The following COL11A1 variants were observed in gnomAD, a reference collection of about 807,000 sequenced individuals.
COL11A1 encodes collagen alpha-1(XI) chain.
A neutral mutation model predicts 265.2 loss-of-function variants in COL11A1; 74 were observed. That is an observed-to-expected ratio of 0.28 (90% CI 0.23 to 0.34). The LOEUF is 0.34. Among genes scored for constraint, COL11A1 ranks in the 10% least tolerant of loss-of-function variants. The pLI, the probability that COL11A1 is intolerant of heterozygous loss-of-function variation, is 1.00. For synonymous variants in COL11A1, 816 were observed against 727.6 expected, an observed-to-expected ratio of 1.12 and a Z score of -1.96; for missense variants, 2,165 against 2,263.6, an observed-to-expected ratio of 0.96 and a Z score of 0.88.
intron 4 of COL11A1, among the ~76,000 whole-genome samples, chr1:103,070,013 T>A (rs72685217): frequency 0.092 from 13,951 of 151,468 alleles, 765 homozygotes; most frequent in Non-Finnish European, 0.11. Context: ...TCTTTTTTTT[T>A]AATGTTAATC....
At chr1:103,077,529 A>G (rs912753048) in intron 3 of COL11A1, among the ~76,000 whole-genome samples, 1 of 152,070 alleles carries the variant, frequency 6.6e-6, no homozygotes, top group Non-Finnish European at 1.5e-5. Flanking sequence ...GTAAAAGCCT[A>G]AAGTTGTAAA....
chr1:103,054,500 A>C (rs755640478), intron 4 of COL11A1, among the ~76,000 whole-genome samples: 14 of 152,268 alleles, frequency 9.2e-5, no homozygotes, highest in Admixed American at 6.5e-4. Flanking sequence ...ACAAAGCCAA[A>C]TGTGGCTCCT....
In COL11A1 at chr1:103,078,778, C is replaced by T. The variant is rs1391480996; in HGVS notation, c.368G>A (p.Gly123Asp). ...SFLLSIYNEH[G>D]IQQIGVEVGR... is the part of the protein sequence containing the mutation. Reference sequence around the variant, plus strand: ...AACCTCAACACCAATTTGCTGAATACCATGCTCATTATATATAGATAAAAG... The same window carrying T: ...AACCTCAACACCAATTTGCTGAATATCATGCTCATTATATATAGATAAAAG... The change falls in exon 3 of 67, where the codon GGT becomes GAT. Residue 123 changes from glycine to aspartate, a missense_variant. Coordinates refer to ENST00000370096, the MANE Select transcript of COL11A1 (RefSeq NM_001854.4). The T allele has an allele frequency of 6.2e-7, 1 of 1,612,844 alleles. No individual in the cohort carries two copies.
At chr1:102,946,750 G>A (rs1300343252) in intron 42 of COL11A1, 99 bp downstream of exon 42, 2 of 925,762 alleles carry the variant, frequency 2.2e-6, no homozygotes, top group African/African-American at 1.6e-5. Flanking sequence ...CATATGCAGA[G>A]AGAATACGGT....
intron 52 of COL11A1, 139 bp from the exon 53 acceptor site, chr1:102,913,829 C>T (rs1194576181): frequency 2.4e-6 from 2 of 829,570 alleles, no homozygotes; most frequent in African/African-American, 3.4e-5. Context: ...ATTCTTTTAA[C>T]CTTTTTTAAA....
At chr1:102,879,345 C>T (rs1649941173) in intron 66 of COL11A1, among the ~76,000 whole-genome samples, 2 of 151,962 alleles carry the variant, frequency 1.3e-5, no homozygotes, top group Non-Finnish European at 2.9e-5. Context: ...TTAAAATCAG[C>T]AATAAGGAGG....
chr1:102,971,832 A>C (rs1198414645), intron 36 of COL11A1, among the ~76,000 whole-genome samples: 2 of 152,152 alleles, frequency 1.3e-5, no homozygotes, highest in Non-Finnish European at 1.5e-5. Flanking sequence ...TGACTTCTTC[A>C]GGTTTTCCAG....
intron 42 of COL11A1, among the ~76,000 whole-genome samples, chr1:102,942,988 GA>G (rs1658887534): frequency 6.6e-6 from 1 of 152,044 alleles, no homozygotes; most frequent in Non-Finnish European, 1.5e-5. Context: ...CCAAAATCAT[GA>G]ACTAAATAAA....
In COL11A1 at chr1:102,927,969, G is replaced by A. The variant is rs149306338; in HGVS notation, c.3601-4580C>T. 5.5e-3 allele frequency among the ~76,000 whole-genome samples: 835 copies of A among 152,114 alleles called. 11 individuals are homozygous for A. Among genetic ancestry groups the A allele is most frequent in the African/African-American group, 0.019 (786 of 41,508 alleles). On this transcript the variant is annotated intron_variant, in intron 46 of 66. Transcript: ENST00000370096. Reference sequence around the variant, plus strand: ...AAAGAGTCATAGGTCGAGTTTCTCCGGGGAAAGGAAGCGAAAGTGTCTCCA... The same window carrying A: ...AAAGAGTCATAGGTCGAGTTTCTCCAGGGAAAGGAAGCGAAAGTGTCTCCA...
chr1:103,057,755 G>T (rs78811322), intron 4 of COL11A1, among the ~76,000 whole-genome samples: 8,549 of 152,110 alleles, frequency 0.056, 329 homozygotes, highest in South Asian at 0.17. Flanking sequence ...TTTTTTCTCA[G>T]CAGTAGGTCA....
intron 46 of COL11A1, among the ~76,000 whole-genome samples, chr1:102,924,386 C>T (rs531467595): frequency 6.6e-6 from 1 of 152,284 alleles, no homozygotes; most frequent in East Asian, 1.9e-4. Context: ...TTCTTGACTA[C>T]TTATTTGATC....
intron 4 of COL11A1, among the ~76,000 whole-genome samples, chr1:103,053,336 T>C (rs1441678164): frequency 6.6e-6 from 1 of 152,130 alleles, no homozygotes; most frequent in Non-Finnish European, 1.5e-5. Flanking sequence ...TCCCAAAATA[T>C]GGGACTTTAT....
intron 41 of COL11A1, 35 bp from the exon 42 acceptor site, chr1:102,946,991 AG>A (rs1334390908): frequency 6.6e-7 from 1 of 1,510,258 alleles, no homozygotes; most frequent in Non-Finnish European, 9.1e-7. Flanking sequence ...TTGTTATTAA[AG>A]AAAGTAATAC....
intron 24 of COL11A1, among the ~76,000 whole-genome samples, chr1:102,998,732 C>T (rs967511983): frequency 1.3e-5 from 2 of 151,506 alleles, no homozygotes; most frequent in African/African-American, 2.4e-5. Flanking sequence ...TGTATTATTT[C>T]CCTCAATAAT....
chr1:103,034,461 T>C (rs1336972324), intron 4 of COL11A1, among the ~76,000 whole-genome samples: 1 of 152,126 alleles, frequency 6.6e-6, no homozygotes, highest in Non-Finnish European at 1.5e-5. Flanking sequence ...TCAGCTCAAA[T>C]TCTTTGTTGA....
At chr1:102,927,509 G>A (rs908892154) in intron 46 of COL11A1, among the ~76,000 whole-genome samples, 4 of 152,156 alleles carry the variant, frequency 2.6e-5, no homozygotes, top group Admixed American at 2.0e-4. Flanking sequence ...GAGGTCAGGA[G>A]ATCGAGACCA....
At chr1:103,030,726 T>A (rs889838533) in intron 5 of COL11A1, among the ~76,000 whole-genome samples, 2 of 152,102 alleles carry the variant, frequency 1.3e-5, no homozygotes, top group African/African-American at 4.8e-5. Context: ...CTCATTTGTA[T>A]GCATTGCCAA....
chr1:103,094,244 G>A (rs1673561568), intron 1 of COL11A1, among the ~76,000 whole-genome samples: 1 of 152,100 alleles, frequency 6.6e-6, no homozygotes, highest in South Asian at 2.1e-4. Context: ...TGATGAGGAT[G>A]AATGCTTCCA....
chr1:102,995,078 T>A (rs1332704281), intron 28 of COL11A1, among the ~76,000 whole-genome samples: 2 of 152,110 alleles, frequency 1.3e-5, no homozygotes, highest in Non-Finnish European at 2.9e-5. Context: ...TGTGCCTCCC[T>A]GGACAGGTGG....
Sources: gnomAD v4.1 joint callset for allele counts (sites outside exome capture counted in the v4.1 genomes callset) on GRCh38, gnomAD v4.1.1 for gene constraint, MANE v1.5 for transcripts, NCBI Gene and HGNC (gene_info 2026-07-23, HGNC 2026-07-21) for gene names.